The following UNC80 variants were observed in gnomAD, a reference collection of about 807,000 sequenced individuals.
The protein encoded by UNC80 is protein unc-80 homolog.
Under a neutral mutation model 384.6 loss-of-function variants are expected in UNC80, and 164 were observed. The ratio of observed to expected loss-of-function variants is 0.43; its 90% CI spans 0.38 to 0.49. The LOEUF (loss-of-function observed/expected upper bound fraction) is 0.49, where lower values mean the gene tolerates loss of function less well. Ranked by LOEUF, UNC80 falls within the 20% of genes least tolerant of loss-of-function variation. The probability of loss-of-function intolerance (pLI) is 0.00; values close to 1 mark genes in which losing one functional copy is unlikely to be tolerated. For synonymous variants in UNC80, 1,486 were observed against 1,527.8 expected, an observed-to-expected ratio of 0.97 and a Z score of 0.64; for missense variants, 3,330 against 4,143.0, an observed-to-expected ratio of 0.80 and a Z score of 5.39.
intron 51 of UNC80, among the ~76,000 whole-genome samples, chr2:209,965,968 A>G (rs1196579399): frequency 6.6e-6 from 1 of 151,076 alleles, no homozygotes; most frequent in African/African-American, 2.4e-5. Context: ...TTTTCCATTT[A>G]TCTCAAATCT....
rs1239625140 is a variant in UNC80 at position 209,977,020 on chromosome 2, C to T, written c.8880C>T (p.Leu2960=). ...FIPRPLCKSS[L]IAEFNSELKI... ...CACGCCCTTTGTGTAAGAGCTCGCT[C>T]ATTGCTGAGTTCAACAGTGAACTAA... Residue 2960 remains leucine (L), a synonymous_variant, in exon 58 of 65, where the codon CTC becomes CTT. Coordinates refer to ENST00000673920, the MANE Select transcript of UNC80 (RefSeq NM_001371986.1). The T allele has an allele frequency of 1.3e-6, 2 of 1,538,130 alleles. No individual in the cohort carries two copies. Among genetic ancestry groups the T allele is most frequent in the Non-Finnish European group, 1.8e-6 (2 of 1,135,696 alleles).
At chr2:209,934,727 C>T (rs1043295266) in intron 39 of UNC80, among the ~76,000 whole-genome samples, 2 of 152,154 alleles carry the variant, frequency 1.3e-5, no homozygotes, top group Non-Finnish European at 2.9e-5. Context: ...TCAAAGCTTT[C>T]TTTCTTTGTG....
At chr2:209,808,282 G>C (rs1020408758) in intron 7 of UNC80, among the ~76,000 whole-genome samples, 4 of 124,068 alleles carry the variant, frequency 3.2e-5, no homozygotes, top group South Asian at 2.2e-4. Flanking sequence ...AGTGTTCAAG[G>C]CTGGGCGTGG....
chr2:209,809,015 G>A, intron 7 of UNC80: 1 of 351,390 alleles, frequency 2.8e-6, no homozygotes, highest in Non-Finnish European at 5.4e-6. Flanking sequence ...CTCCAACTGA[G>A]ACTCCCCCAA....
Position 209,825,892 on chromosome 2 carries a change from A to T in UNC80, c.2332-15A>T. 1.3e-6 allele frequency: 2 copies of T among 1,518,444 alleles called. No homozygotes were observed. Among genetic ancestry groups the T allele is most frequent in the Non-Finnish European group, 1.8e-6 (2 of 1,134,402 alleles). 94.1% of individuals were successfully genotyped at this position (1,518,444 alleles called of 1,614,324 possible). ...GTAAACAGACTTTTCTTTCTTTCTC[A>T]TTCGTGGGTACCAGGATGAAAGTAC... On this transcript the variant is annotated splice_polypyrimidine_tract_variant and intron_variant, in intron 13 of 64. Coordinates refer to ENST00000673920, the MANE Select transcript of UNC80 (RefSeq NM_001371986.1).
At chr2:209,952,013 A>G (rs1450135148) in intron 47 of UNC80, among the ~76,000 whole-genome samples, 1 of 152,060 alleles carries the variant, frequency 6.6e-6, no homozygotes, top group Non-Finnish European at 1.5e-5. Flanking sequence ...CTAATTTCAA[A>G]TATTTTAGTG....
intron 22 of UNC80, among the ~76,000 whole-genome samples, chr2:209,854,166 A>G (rs1342275494): frequency 6.6e-6 from 1 of 152,054 alleles, no homozygotes; most frequent in Non-Finnish European, 1.5e-5. Context: ...AGGTCCTTTC[A>G]AGGAGATAGG....
chr2:209,829,024 A>C (rs1460193978), intron 14 of UNC80, among the ~76,000 whole-genome samples: 2 of 152,118 alleles, frequency 1.3e-5, no homozygotes, highest in African/African-American at 4.8e-5. Context: ...CCTATGGAGC[A>C]GTTGTTCTCA....
intron 22 of UNC80, among the ~76,000 whole-genome samples, chr2:209,856,336 T>C (rs1051347309): frequency 3.9e-5 from 6 of 152,148 alleles, no homozygotes; most frequent in Admixed American, 3.3e-4. Context: ...AGATTATAGG[T>C]GATGTCAATA....
At chr2:209,865,270 T>C (rs2083647908) in intron 22 of UNC80, among the ~76,000 whole-genome samples, 1 of 152,026 alleles carries the variant, frequency 6.6e-6, no homozygotes, top group Admixed American at 6.5e-5. Flanking sequence ...CTGCTGTTTC[T>C]AGTCCATCAA....
At chr2:209,834,307 G>A (rs1254379151) in intron 17 of UNC80, 139 bp downstream of exon 17, 1 of 891,734 alleles carries the variant, frequency 1.1e-6, no homozygotes, top group Non-Finnish European at 1.7e-6. Context: ...GGTTTCACTG[G>A]TGTGGTGTAG....
intron 62 of UNC80, among the ~76,000 whole-genome samples, chr2:209,992,543 G>T (rs899465954): frequency 6.6e-6 from 1 of 152,072 alleles, no homozygotes; most frequent in Non-Finnish European, 1.5e-5. Context: ...ACTTTAAAAC[G>T]TGGTAAGTAC....
intron 38 of UNC80, among the ~76,000 whole-genome samples, chr2:209,933,312 G>C (rs759583936): frequency 6.6e-6 from 1 of 151,910 alleles, no homozygotes; most frequent in African/African-American, 2.4e-5. Context: ...ATAATGTAAG[G>C]TTTGTCACAA....
rs370776173 is a variant in UNC80 at position 209,976,449 on chromosome 2, C to T, written c.8772+146C>T. ...TTAATACCATGCTTGATGAGAAAAC[C>T]GCCCAAAAATATATTCCAGAGGATA... is the stretch of plus-strand genomic sequence containing the variant. On this transcript the variant is annotated intron_variant, in intron 57 of 64. Coordinates refer to ENST00000673920, the MANE Select transcript of UNC80 (RefSeq NM_001371986.1). The surrounding 1 kb of genome is among the most constrained non-coding windows in gnomAD (Gnocchi z 4.3). 8 of 1,038,384 alleles carry T rather than the reference C, an allele frequency of 7.7e-6. No homozygotes were observed. The highest frequency in any genetic ancestry group is 5.9e-5 in the Admixed American group (2 of 34,076). 64.3% of individuals were successfully genotyped at this position (1,038,384 alleles called of 1,614,324 possible). A position where few individuals can be genotyped will look rare whatever the true frequency, so the allele number is the denominator to read the frequency against.
chr2:209,891,048 A>G (rs1380597072), intron 26 of UNC80, among the ~76,000 whole-genome samples: 1 of 152,214 alleles, frequency 6.6e-6, no homozygotes, highest in Admixed American at 6.5e-5. Flanking sequence ...TATGTGTTGA[A>G]GTATTTTCTA....
chr2:209,906,350 T>A (rs112675058), intron 29 of UNC80, among the ~76,000 whole-genome samples: 2,981 of 152,284 alleles, frequency 0.02, 107 homozygotes, highest in African/African-American at 0.068. Flanking sequence ...GATGTACCTC[T>A]TAAGTGTGCA....
intron 21 of UNC80, 88 bp from the exon 22 acceptor site, chr2:209,849,363 C>T (rs2082365874): frequency 2.1e-6 from 3 of 1,428,826 alleles, no homozygotes; most frequent in Admixed American, 2.1e-5. Context: ...GTAGAAAACA[C>T]ACTGTTATAT....
At chr2:209,809,459 C>T in intron 7 of UNC80, 2 of 1,468,044 alleles carry the variant, frequency 1.4e-6, no homozygotes, top group Admixed American at 1.7e-5. Context: ...AACCTGCGGG[C>T]CCACCTCCAG....
chr2:209,820,329 T>C lies in UNC80; in HGVS notation c.1981T>C (p.Tyr661His), dbSNP rs2080044530. 2 of 1,544,960 alleles carry C rather than the reference T, an allele frequency of 1.3e-6. No homozygotes were observed. The highest frequency in any genetic ancestry group is 2.8e-5 in the African/African-American group (2 of 72,588). Residue 661 changes from tyrosine to histidine, a missense_variant, in exon 13 of 65, where the codon TAT (tyrosine) becomes CAT (histidine). Tyr to His is a moderately conservative substitution (Grantham distance 83, BLOSUM62 2). This residue lies in a region of UNC80 where 937 missense variants were observed against 1,026.8 expected (regional missense o/e 0.91). Transcript: ENST00000673920. ...LDLSVVLKAV[Y>H]LVLNHDISSR... ...TCCTCAGGTAGTTCTGAAGGCTGTT[T>C]ATCTTGTCCTTAATCATGACATCAG... is the stretch of plus-strand genomic sequence containing the variant.
Sources: gnomAD v4.1 joint callset for allele counts (sites outside exome capture counted in the v4.1 genomes callset) on GRCh38, gnomAD v4.1.1 for gene constraint, gnomAD v4.1.1 regional missense constraint, Gnocchi (gnomAD v3.1) non-coding constraint, MANE v1.5 for transcripts, NCBI Gene and HGNC (gene_info 2026-07-23, HGNC 2026-07-21) for gene names.